PHOSPHO1: variants seen among roughly 807,000 people sequenced by gnomAD.
PHOSPHO1 encodes phosphoethanolamine/phosphocholine phosphatase 1.
PHOSPHO1 carries 6 observed loss-of-function variants against 17.7 expected under a neutral mutation model. The ratio of observed to expected loss-of-function variants is 0.34; its 90% CI spans 0.19 to 0.67. The LOEUF (loss-of-function observed/expected upper bound fraction) is 0.67. Ranked by LOEUF, PHOSPHO1 falls within the 30% of genes least tolerant of loss-of-function variation. The probability of loss-of-function intolerance (pLI) is 0.69; values close to 1 mark genes in which losing one functional copy is unlikely to be tolerated. For missense variants in PHOSPHO1, 330 were observed against 392.1 expected (o/e 0.84, Z 1.34); for synonymous variants, 159 against 174.6 (o/e 0.91, Z 0.71).
chr17:49,225,909 T>A (rs760907110), intron 2 of PHOSPHO1: 27 of 1,124,592 alleles, frequency 2.4e-5, no homozygotes, highest in Admixed American at 2.3e-4. Flanking sequence ...TAGGGGATCT[T>A]GGAGACAGAC....
Position 49,223,813 on chromosome 17 carries a change from C to G in PHOSPHO1, c.*433G>C, listed in dbSNP as rs1399955191. 6.1e-6 allele frequency: 1 copy of G among 163,734 alleles called. No individual in the cohort carries two copies. The highest frequency in any genetic ancestry group is 1.3e-5 in the Non-Finnish European group (1 of 76,136). 10.1% of individuals were successfully genotyped at this position (163,734 alleles called of 1,614,324 possible). A position where few individuals can be genotyped will look rare whatever the true frequency, so the allele number is the denominator to read the frequency against. ...CTGCCTCTGTGGGGAGTTCTTGCGG[C>G]CAGGAGAATTTCAGGATCCTGGGTT... On this transcript the variant is annotated 3_prime_UTR_variant, in exon 3 of 3. Coordinates refer to ENST00000310544, the MANE Select transcript of PHOSPHO1 (RefSeq NM_178500.4).
At chr17:49,226,428 T>G (rs2143565180) in intron 2 of PHOSPHO1, among the ~76,000 whole-genome samples, 1 of 152,276 alleles carries the variant, frequency 6.6e-6, no homozygotes, top group East Asian at 1.9e-4. Flanking sequence ...CAACATCCAG[T>G]GGGCATTTCA....
chr17:49,228,453 T>G (rs916474064), intron 1 of PHOSPHO1, among the ~76,000 whole-genome samples: 2 of 151,950 alleles, frequency 1.3e-5, no homozygotes, highest in Admixed American at 1.3e-4. Context: ...GTCTAGGAGT[T>G]TGAGACCAGA....
At chr17:49,227,474 G>A (rs1333663866) in intron 1 of PHOSPHO1, among the ~76,000 whole-genome samples, 1 of 152,170 alleles carries the variant, frequency 6.6e-6, no homozygotes, top group Non-Finnish European at 1.5e-5. Flanking sequence ...ACAGCTTCCA[G>A]TGCCTCTCTA....
At chr17:49,227,738 C>A (rs530542433) in intron 1 of PHOSPHO1, among the ~76,000 whole-genome samples, 1 of 152,326 alleles carries the variant, frequency 6.6e-6, no homozygotes, top group South Asian at 2.1e-4. Flanking sequence ...CAGGCTCTAG[C>A]AATATCCATC....
rs1421014138 is a variant in PHOSPHO1 at position 49,224,582 on chromosome 17, T to A, written c.468A>T (p.Gly156=). The A allele has an allele frequency of 1.3e-6, 2 of 1,562,780 alleles. No individual in the cohort carries two copies. The highest frequency in any genetic ancestry group is 1.2e-5 in the South Asian group (1 of 86,138). Residue 156 remains glycine, a synonymous_variant, in exon 3 of 3, where the codon GGA becomes GGT. Coordinates refer to ENST00000310544, the MANE Select transcript of PHOSPHO1 (RefSeq NM_178500.4). ...TGTGGAACGGCCGCAGAGCCAGCAG[T>A]CCCCGCGCATCCGGCCCCGACGGGT... ...LSNPSGPDAR[G]LLALRPFHTH...
rs1201547748 is a variant in PHOSPHO1 at position 49,224,413 on chromosome 17, G to A, written c.637C>T (p.Leu213=). 6.4e-7 allele frequency: 1 copy of A among 1,552,822 alleles called. No homozygotes were observed. Residue 213 remains leucine, a synonymous_variant, in exon 3 of 3, where the codon CTG becomes TTG. Coordinates refer to ENST00000310544, the MANE Select transcript of PHOSPHO1 (RefSeq NM_178500.4). Reference sequence around the variant, plus strand: ...AAGGCCACGTCGCCGCCCGCCAGCAGCCCCATGGGGCAGAAGTCGTTGGCG... The same window carrying A: ...AAGGCCACGTCGCCGCCCGCCAGCAACCCCATGGGGCAGAAGTCGTTGGCG... The part of the protein sequence containing the change: ...DGANDFCPMG[L]LAGGDVAFPR...
chr17:49,224,950 C>A lies in PHOSPHO1; in HGVS notation c.100G>T (p.Asp34Tyr). 6.3e-7 allele frequency: 1 copy of A among 1,582,544 alleles called. No homozygotes were observed. The highest frequency in any genetic ancestry group is 8.6e-7 in the Non-Finnish European group (1 of 1,165,246). The part of the protein sequence containing the change: ...APRFLLTFDF[D>Y]ETIVDENSDD... ...CTGTTTTCGTCCACGATAGTCTCGT[C>A]GAAGTCGAAGGTCAGGAGGAAGCGC... Residue 34 changes from aspartate (D) to tyrosine (Y), a missense_variant, in exon 3 of 3, where the codon GAC becomes TAC. Coordinates refer to ENST00000310544, the MANE Select transcript of PHOSPHO1 (RefSeq NM_178500.4).
intron 2 of PHOSPHO1, chr17:49,225,311 G>C: frequency 1.0e-6 from 1 of 985,458 alleles, no homozygotes; most frequent in South Asian, 4.7e-5. Flanking sequence ...GGCTTAACAA[G>C]GGTCAAAAGA....
rs1011205380 is a variant in PHOSPHO1, at chr17:49,223,931, G to A, written c.*315C>T. The A allele has an allele frequency of 1.2e-4, 37 of 296,580 alleles. 1 individual carries two copies. Among genetic ancestry groups the A allele is most frequent in the African/African-American group, 7.8e-4 (36 of 46,262 alleles). The allele number at this position is 296,580 out of a possible 1,614,324, so 18.4% of individuals were successfully genotyped here. A position where few individuals can be genotyped will look rare whatever the true frequency, so the allele number is the denominator to read the frequency against. On this transcript the variant is annotated 3_prime_UTR_variant, in exon 3 of 3. Transcript: ENST00000310544. Reference sequence around the variant, plus strand: ...TGTTCCTTCTCTCACCTGCCGGGGGGGCCCCTTCCTCCCAGTTGGGAGGAC... The same window carrying A: ...TGTTCCTTCTCTCACCTGCCGGGGGAGCCCCTTCCTCCCAGTTGGGAGGAC...
intron 1 of PHOSPHO1, chr17:49,228,998 C>G (rs1459594564): frequency 1.4e-5 from 2 of 147,742 alleles, no homozygotes; most frequent in Admixed American, 6.7e-5. Flanking sequence ...ACACAAAACT[C>G]CTCATTTCTC....
intron 2 of PHOSPHO1, chr17:49,225,269 C>T (rs1339687722): frequency 2.1e-5 from 30 of 1,402,228 alleles, no homozygotes; most frequent in African/African-American, 2.9e-5. Context: ...TTCTCGGCAC[C>T]TGTTTCCCCT....
Position 49,226,628 on chromosome 17 carries a change from C to T in PHOSPHO1, c.45+19G>A, listed in dbSNP as rs375626150. On this transcript the variant is annotated intron_variant, in intron 2 of 2. Transcript: ENST00000310544. ...GGCTGAGGCCTCATCCTAGGAGACC[C>T]CTGGAGGGACCCACTTACCCTAGAT... The T allele has an allele frequency of 6.2e-7, 1 of 1,613,838 alleles. No homozygotes were observed. Among genetic ancestry groups the T allele is most frequent in the Admixed American group, 1.7e-5 (1 of 60,012 alleles).
At chr17:49,226,147 G>A (rs1406557943) in intron 2 of PHOSPHO1, among the ~76,000 whole-genome samples, 8 of 152,060 alleles carry the variant, frequency 5.3e-5, no homozygotes, top group Non-Finnish European at 1.0e-4. Flanking sequence ...GCGCAGAGGG[G>A]CAGTGAGCAG....
At position 49,226,664 on chromosome 17, in the gene PHOSPHO1, G is replaced by A; in HGVS notation, c.28C>T (p.Leu10Phe). The A allele has an allele frequency of 6.2e-7, 1 of 1,614,196 alleles. No individual in the cohort carries two copies. Among genetic ancestry groups the A allele is most frequent in the Non-Finnish European group, 8.5e-7 (1 of 1,180,028 alleles). MSGCFPVSG[L>F]RCLSRDGRMA... is the part of the protein sequence containing the mutation. ...CCACTTACCCTAGATAGGCAGCGGA[G>A]GCCAGAAACTGGAAAACAGCCACTC... is the stretch of plus-strand genomic sequence containing the variant. The change falls in exon 2 of 3, where the codon CTC becomes TTC. Residue 10 changes from leucine to phenylalanine, a missense_variant. Physicochemically the swap from Leu to Phe is conservative, Grantham distance 22. Coordinates refer to ENST00000310544, the MANE Select transcript of PHOSPHO1 (RefSeq NM_178500.4).
At chr17:49,226,057 A>G (rs921063115) in intron 2 of PHOSPHO1, among the ~76,000 whole-genome samples, 18 of 152,034 alleles carry the variant, frequency 1.2e-4, no homozygotes, top group African/African-American at 4.4e-4. Context: ...ATGTCTGGGC[A>G]CAAGGAAAGG....
Position 49,224,587 on chromosome 17 carries a change from G to A in PHOSPHO1, c.463C>T (p.Arg155Trp). The A allele has an allele frequency of 6.4e-7, 1 of 1,564,426 alleles. No homozygotes were observed. The highest frequency in any genetic ancestry group is 1.7e-4 in the Middle Eastern group (1 of 5,774). ...ILSNPSGPDA[R>W]GLLALRPFHT... ...AACGGCCGCAGAGCCAGCAGTCCCC[G>A]CGCATCCGGCCCCGACGGGTTGCTG... Residue 155 changes from arginine (R) to tryptophan (W), a missense_variant, in exon 3 of 3, where the codon CGG (arginine) becomes TGG (tryptophan). Coordinates refer to ENST00000310544, the MANE Select transcript of PHOSPHO1 (RefSeq NM_178500.4).
intron 1 of PHOSPHO1, among the ~76,000 whole-genome samples, chr17:49,228,240 GTC>G (rs201309007): frequency 0.053 from 7,951 of 149,578 alleles, 288 homozygotes; most frequent in East Asian, 0.11. Flanking sequence ...CTTCCTTCCT[GTC>G]TCTCTCCTTC....
In PHOSPHO1 at chr17:49,224,796, C is replaced by T; in HGVS notation, c.254G>A (p.Arg85Gln). 3 of 1,598,946 alleles carry T rather than the reference C, an allele frequency of 1.9e-6. No individual in the cohort carries two copies. The highest frequency in any genetic ancestry group is 2.6e-6 in the Non-Finnish European group (3 of 1,173,166). Residue 85 changes from arginine to glutamine, a missense_variant, in exon 3 of 3, where the codon CGG (arginine) becomes CAG (glutamine). Transcript: ENST00000310544. ...VFKYLGEQGVRPRDLSAIYEA... is the reference protein window; with the variant it reads ...VFKYLGEQGVQPRDLSAIYEA... Reference sequence around the variant, plus strand: ...GTAGATGGCGCTCAGGTCCCGCGGCCGCACGCCCTGCTCGCCCAGGTACTT... The same window carrying T: ...GTAGATGGCGCTCAGGTCCCGCGGCTGCACGCCCTGCTCGCCCAGGTACTT...
Sources: gnomAD v4.1 joint callset for allele counts (sites outside exome capture counted in the v4.1 genomes callset) on GRCh38, gnomAD v4.1.1 for gene constraint, MANE v1.5 for transcripts, NCBI Gene and HGNC (gene_info 2026-07-23, HGNC 2026-07-21) for gene names.